ACO1: variants seen among roughly 807,000 people sequenced by gnomAD.
ACO1 encodes the protein aconitase 1, also known as cytoplasmic aconitate hydratase.
In ACO1, 78 loss-of-function variants were observed where a neutral mutation model predicts 105.1. The observed-to-expected ratio is 0.74, with a 90% CI of 0.62 to 0.90. ACO1 has a LOEUF of 0.90. ACO1 is among the 40% of genes least tolerant of loss of function. The probability of loss-of-function intolerance (pLI) is 0.00; values close to 1 mark genes in which losing one functional copy is unlikely to be tolerated. For synonymous variants in ACO1, 364 were observed against 397.4 expected (o/e 0.92, Z 1.00); for missense variants, 965 against 1,111.1 (o/e 0.87, Z 1.87).
At chr9:32,385,734 A>G (rs1821144768) in intron 1 of ACO1, among the ~76,000 whole-genome samples, 1 of 152,182 alleles carries the variant, frequency 6.6e-6, no homozygotes, top group Admixed American at 6.5e-5. Flanking sequence ...TGAGACCTCC[A>G]CTGTATACTC....
At chr9:32,392,758 G>A (rs1009965294) in intron 1 of ACO1, among the ~76,000 whole-genome samples, 2 of 152,194 alleles carry the variant, frequency 1.3e-5, no homozygotes, top group African/African-American at 2.4e-5. Context: ...GACCCCGAAC[G>A]GAGGGACCGG....
chr9:32,434,154 C>A (rs553852200), intron 16 of ACO1, among the ~76,000 whole-genome samples: 1 of 152,236 alleles, frequency 6.6e-6, no homozygotes, highest in East Asian at 1.9e-4. Flanking sequence ...CCCATAAAAA[C>A]CAGGGACATT....
intron 20 of ACO1, among the ~76,000 whole-genome samples, chr9:32,449,649 TC>T (rs1822710956): frequency 1.3e-5 from 2 of 152,168 alleles, no homozygotes; most frequent in Admixed American, 6.5e-5. Context: ...ATTGAATACT[TC>T]TGTCCACAGG....
At chr9:32,443,148 A>G (rs1466036595) in intron 19 of ACO1, among the ~76,000 whole-genome samples, 1 of 152,208 alleles carries the variant, frequency 6.6e-6, no homozygotes, top group South Asian at 2.1e-4. Context: ...TTACAAAGCA[A>G]TATAACAGAA....
At chr9:32,437,812 A>C (rs1314930604) in intron 18 of ACO1, among the ~76,000 whole-genome samples, 2 of 152,244 alleles carry the variant, frequency 1.3e-5, no homozygotes, top group African/African-American at 4.8e-5. Flanking sequence ...TAAATTTAAA[A>C]AGAAAATTCA....
intron 1 of ACO1, among the ~76,000 whole-genome samples, chr9:32,403,622 A>G (rs933982158): frequency 1.3e-5 from 2 of 152,366 alleles, no homozygotes; most frequent in East Asian, 3.9e-4. Flanking sequence ...TCCCCACTGC[A>G]TAATGGCAGA....
At chr9:32,394,656 C>A (rs1453984049) in intron 1 of ACO1, among the ~76,000 whole-genome samples, 1 of 152,170 alleles carries the variant, frequency 6.6e-6, no homozygotes, top group East Asian at 1.9e-4. Flanking sequence ...CGTTCCAGTT[C>A]CCTCTCTCAG....
rs34630459 is a variant in ACO1 at position 32,427,408 on chromosome 9, G to A, written c.1456G>A (p.Gly486Arg). Residue 486 changes from glycine (G) to arginine (R), a missense_variant, in exon 12 of 21, where the codon GGA (glycine) becomes AGA (arginine). Transcript: ENST00000309951. ...GGTCACCTACTACCTACAAGAAAGC[G>A]GAGTCATGCCTTATCTGTCTCAGCT... ...GVVTYYLQESGVMPYLSQLGF... is the reference protein window; with the variant it reads ...GVVTYYLQESRVMPYLSQLGF... 7,456 of 1,614,186 alleles carry A rather than the reference G, an allele frequency of 4.6e-3. 340 individuals are homozygous for A. The African/African-American group carries it at 0.088, about 19-fold the overall frequency.
chr9:32,415,100 T>G (rs1234950000), intron 4 of ACO1, among the ~76,000 whole-genome samples: 1 of 151,704 alleles, frequency 6.6e-6, no homozygotes, highest in Non-Finnish European at 1.5e-5. Context: ...ACGAGGAAAG[T>G]GGGGGTGGGA....
chr9:32,399,964 C>CTTTTTTTTTTTTTTTTTTTTT (rs1300474052), intron 1 of ACO1, among the ~76,000 whole-genome samples: 1 of 42,420 alleles, frequency 2.4e-5, no homozygotes, highest in African/African-American at 7.9e-5. Context: ...TTTTCTTTTT[C>CTTTTTTTTTTTTTTTTTTTTT]TGTTTTTTTT....
At chr9:32,423,922 A>G (rs1822031305) in intron 9 of ACO1, among the ~76,000 whole-genome samples, 1 of 152,232 alleles carries the variant, frequency 6.6e-6, no homozygotes. Flanking sequence ...AGAAAAATAA[A>G]GAGACTTCAC....
intron 2 of ACO1, among the ~76,000 whole-genome samples, chr9:32,406,233 T>C (rs946499734): frequency 6.6e-6 from 1 of 152,208 alleles, no homozygotes; most frequent in Non-Finnish European, 1.5e-5. Flanking sequence ...ATTACAATAA[T>C]TGTAAAGGGG....
intron 17 of ACO1, among the ~76,000 whole-genome samples, chr9:32,435,835 T>C (rs1822343384): frequency 6.6e-6 from 1 of 152,250 alleles, no homozygotes; most frequent in African/African-American, 2.4e-5. Context: ...TATTTTGTGT[T>C]TCCCCCTGTT....
At position 32,431,769 on chromosome 9, in the gene ACO1, A is replaced by G. The variant is rs1351221697; in HGVS notation, c.1777A>G (p.Arg593Gly). The G allele has an allele frequency of 6.2e-7, 1 of 1,614,056 alleles. No individual in the cohort carries two copies. Among genetic ancestry groups the G allele is most frequent in the African/African-American group, 1.3e-5 (1 of 74,926 alleles). ...QVFLKDIWPT[R>G]DEIQAVERQY... ...ATTTCTGAAAGATATCTGGCCGACTAGAGACGAGATCCAGGCAGTGGAGCG... is the reference window on the plus strand; with the variant it reads ...ATTTCTGAAAGATATCTGGCCGACTGGAGACGAGATCCAGGCAGTGGAGCG... Residue 593 changes from arginine to glycine, a missense_variant, in exon 15 of 21, where the codon AGA becomes GGA. Arg to Gly is a moderately radical substitution (Grantham distance 125). Transcript: ENST00000309951.
chr9:32,424,321 C>CT (rs1428772642), intron 9 of ACO1, among the ~76,000 whole-genome samples: 1 of 152,224 alleles, frequency 6.6e-6, no homozygotes, highest in East Asian at 1.9e-4. Flanking sequence ...GGTGGCAAGG[C>CT]TGCCTGCCTG....
At chr9:32,398,530 T>C (rs2118365879) in intron 1 of ACO1, among the ~76,000 whole-genome samples, 1 of 151,592 alleles carries the variant, frequency 6.6e-6, no homozygotes, top group East Asian at 1.9e-4. Context: ...GCACCCAGGG[T>C]TCGGAATTTC....
intron 7 of ACO1, among the ~76,000 whole-genome samples, chr9:32,420,060 T>A (rs1052290945): frequency 1.3e-5 from 2 of 152,224 alleles, no homozygotes; most frequent in Non-Finnish European, 2.9e-5. Context: ...GTTCTTAAGA[T>A]GTGGAATACT....
intron 17 of ACO1, chr9:32,435,988 T>G: frequency 1.6e-6 from 1 of 620,112 alleles, no homozygotes; most frequent in Non-Finnish European, 3.0e-6. Context: ...GACTTCCTTC[T>G]TATTTTTCTA....
chr9:32,427,350 C>T lies in ACO1; in HGVS notation c.1398C>T (p.Tyr466=), dbSNP rs1822122504. Residue 466 remains tyrosine (Y), a synonymous_variant, in exon 12 of 21, where the codon TAC becomes TAT. Coordinates refer to ENST00000309951, the MANE Select transcript of ACO1 (RefSeq NM_002197.3). ...ATGCTGGCCTGAACGTGATGCCTTA[C>T]ATCAAAACTAGCCTGTCTCCTGGGA... ...AVDAGLNVMP[Y]IKTSLSPGSG... 6.2e-7 allele frequency: 1 copy of T among 1,614,232 alleles called. No individual in the cohort carries two copies.
Sources: allele counts gnomAD v4.1 joint callset (sites outside exome capture counted in the v4.1 genomes callset), GRCh38; gene constraint gnomAD v4.1.1; transcripts MANE v1.5; gene names NCBI Gene and HGNC (gene_info 2026-07-23, HGNC 2026-07-21).